Variants in ERICH6 observed in about 807,000 individuals in gnomAD.
ERICH6 encodes the protein glutamate-rich protein 6.
In ERICH6, 71 loss-of-function variants were observed where a neutral mutation model predicts 71.0. That is an observed-to-expected ratio of 1.00 (90% CI 0.83 to 1.22). The LOEUF (loss-of-function observed/expected upper bound fraction) is 1.22, where lower values mean the gene tolerates loss of function less well. Ranked by LOEUF, ERICH6 falls within the 50% of genes most tolerant of loss-of-function variation. The pLI, the probability that ERICH6 is intolerant of heterozygous loss-of-function variation, is 0.00. For synonymous variants in ERICH6, 262 were observed against 278.4 expected (o/e 0.94, Z 0.59); for missense variants, 808 against 797.2 (o/e 1.01, Z -0.16).
In ERICH6 at chr3:150,674,284, AT is replaced by A. The variant is rs138154739; in HGVS notation, c.1258-244del. Among the ~76,000 whole-genome samples the A allele has an allele frequency of 7.8e-3, 1,126 of 144,352 alleles. 1 individual carries two copies. Among genetic ancestry groups the A allele is most frequent in the African/African-American group, 0.015 (590 of 39,644 alleles). 94.7% of individuals were successfully genotyped at this position (144,352 alleles called of 152,430 possible). On this transcript the variant is annotated intron_variant, in intron 10 of 13. Transcript: ENST00000295910. ...AATCTGACATTACATATCTATTTTA[AT>A]TTTTTTTTTTTTTTACTTTATACAC...
At chr3:150,681,030 A>C in intron 7 of ERICH6, 100 bp from the exon 8 acceptor site, 1 of 1,257,816 alleles carries the variant, frequency 8.0e-7, no homozygotes, top group Non-Finnish European at 1.1e-6. Flanking sequence ...ATCCATCATA[A>C]GTTTTTATTC....
chr3:150,679,938 G>A (rs1469743635), intron 9 of ERICH6, among the ~76,000 whole-genome samples: 6 of 152,220 alleles, frequency 3.9e-5, no homozygotes, highest in African/African-American at 9.6e-5. Context: ...GATCACAGGC[G>A]TGAGCCACCG....
chr3:150,683,429 C>T (rs1297053711), intron 6 of ERICH6, among the ~76,000 whole-genome samples: 1 of 152,130 alleles, frequency 6.6e-6, no homozygotes, highest in African/African-American at 2.4e-5. Flanking sequence ...GTTGTCCTTT[C>T]ACCCTCAGCT....
intron 6 of ERICH6, among the ~76,000 whole-genome samples, chr3:150,685,305 C>T (rs1388582563): frequency 6.6e-6 from 1 of 152,168 alleles, no homozygotes; most frequent in Admixed American, 6.5e-5. Context: ...TCCAACTGGA[C>T]TTGGTGTCCT....
chr3:150,702,565 C>A (rs1328838484), intron 1 of ERICH6, among the ~76,000 whole-genome samples: 5 of 152,138 alleles, frequency 3.3e-5, no homozygotes, highest in Non-Finnish European at 5.9e-5. Context: ...CGTGAGCCAC[C>A]GCGCCCGGCC....
rs188058286 is a variant in ERICH6 at position 150,686,797 on chromosome 3, C to T, written c.554-443G>A. On this transcript the variant is annotated intron_variant, in intron 3 of 13. Transcript: ENST00000295910. ...GAAGTCAATAACTTTTACCTTTTCA[C>T]TTAAAGGATACACTTTATGGATGCT... 3.5e-3 allele frequency among the ~76,000 whole-genome samples: 536 copies of T among 152,282 alleles called. 5 individuals are homozygous for T. Among genetic ancestry groups the T allele is most frequent in the African/African-American group, 0.012 (519 of 41,546 alleles).
rs760925534 is a variant in ERICH6, at chr3:150,686,294, T to C, written c.610+4A>G. 1 of 1,614,100 alleles carries C rather than the reference T, an allele frequency of 6.2e-7. No individual in the cohort carries two copies. The highest frequency in any genetic ancestry group is 2.2e-5 in the East Asian group (1 of 44,892). ...AAAGGAGATGATGCCAAACATGTATTTACCTCTTAACTTAGATGCCAGACA... is the reference window on the plus strand; with the variant it reads ...AAAGGAGATGATGCCAAACATGTATCTACCTCTTAACTTAGATGCCAGACA... On this transcript the variant is annotated splice_donor_region_variant and intron_variant, in intron 4 of 13. Coordinates refer to ENST00000295910, the MANE Select transcript of ERICH6 (RefSeq NM_152394.5).
chr3:150,678,596 A>C (rs1711756173), intron 9 of ERICH6, 42 bp from the exon 10 acceptor site: 3 of 1,474,730 alleles, frequency 2.0e-6, no homozygotes, highest in South Asian at 1.4e-5. Flanking sequence ...ATATGTTTTA[A>C]ATTTTCTAAA....
Position 150,660,113 on chromosome 3 carries a change from C to T in ERICH6, c.1771G>A (p.Gly591Arg). The change falls in exon 14 of 14, where the codon GGA becomes AGA. Residue 591 changes from glycine to arginine, a missense_variant. By Grantham distance (125) the Gly-to-Arg change is moderately radical (BLOSUM62 -2). Around this residue, in one of 3 missense-constraint regions of ERICH6, gnomAD observed 736 missense variants for 712.2 expected, o/e 1.03. Coordinates refer to ENST00000295910, the MANE Select transcript of ERICH6 (RefSeq NM_152394.5). ...CTGGCCAGCAGAAGAAGGTCATCTC[C>T]ACTTACGTATCGGAGGATTGGAATC... ...EEIPILRYVS[G>R]DDLLLLASLI... 1 of 1,614,022 alleles carries T rather than the reference C, an allele frequency of 6.2e-7. No homozygotes were observed.
chr3:150,685,670 A>G (rs1180002308), intron 6 of ERICH6, 72 bp downstream of exon 6: 10 of 1,211,460 alleles, frequency 8.3e-6, no homozygotes, highest in Middle Eastern at 2.0e-4. Flanking sequence ...TTCACTGTCT[A>G]TTGTGCAAAT....
At chr3:150,679,507 G>T (rs959497168) in intron 9 of ERICH6, among the ~76,000 whole-genome samples, 2 of 152,088 alleles carry the variant, frequency 1.3e-5, no homozygotes, top group African/African-American at 4.8e-5. Flanking sequence ...GAAAGATTAA[G>T]TCATTTACCC....
chr3:150,671,817 A>G (rs1711504036), intron 11 of ERICH6, among the ~76,000 whole-genome samples: 1 of 152,170 alleles, frequency 6.6e-6, no homozygotes, highest in African/African-American at 2.4e-5. Flanking sequence ...TGTTGTAGAC[A>G]CAGGCTTTCA....
intron 3 of ERICH6, among the ~76,000 whole-genome samples, chr3:150,695,459 A>G (rs945744492): frequency 7.2e-5 from 11 of 152,106 alleles, no homozygotes; most frequent in South Asian, 2.1e-4. Context: ...CAGGAGACTG[A>G]GACCATCCTG....
chr3:150,700,732 C>G (rs1051112865), intron 2 of ERICH6, among the ~76,000 whole-genome samples: 1 of 152,024 alleles, frequency 6.6e-6, no homozygotes, highest in African/African-American at 2.4e-5. Flanking sequence ...TACAGGCACA[C>G]GCCACCATGC....
chr3:150,700,732 C>T (rs1051112865), intron 2 of ERICH6, among the ~76,000 whole-genome samples: 6 of 152,022 alleles, frequency 3.9e-5, no homozygotes, highest in Non-Finnish European at 7.4e-5. Flanking sequence ...TACAGGCACA[C>T]GCCACCATGC....
At chr3:150,684,502 A>T (rs940593470) in intron 6 of ERICH6, among the ~76,000 whole-genome samples, 41 of 152,120 alleles carry the variant, frequency 2.7e-4, no homozygotes, top group Admixed American at 7.9e-4. Flanking sequence ...GTTAATGAAT[A>T]AACCTCCACC....
Position 150,669,284 on chromosome 3 carries a change from C to T in ERICH6, c.1499+12G>A. The T allele has an allele frequency of 6.3e-7, 1 of 1,584,740 alleles. No homozygotes were observed. Among genetic ancestry groups the T allele is most frequent in the Non-Finnish European group, 8.6e-7 (1 of 1,168,496 alleles). ...GCCACAAAATGGCAGCAGCAGGAACCTAGAAGCTTACCAGACATTTCCATT... is the reference window on the plus strand; with the variant it reads ...GCCACAAAATGGCAGCAGCAGGAACTTAGAAGCTTACCAGACATTTCCATT... On this transcript the variant is annotated intron_variant, in intron 12 of 13. Transcript: ENST00000295910.
In ERICH6 at chr3:150,703,634, C is replaced by A. The variant is rs767004871; in HGVS notation, c.265G>T (p.Asp89Tyr). The A allele has an allele frequency of 2.6e-5, 42 of 1,613,948 alleles. 2 individuals are homozygous for A. The Middle Eastern group carries it at 4.9e-3, about 190-fold the overall frequency. ...CGGGGGCGCACGTCTGGGAAGTCGT[C>A]GTCGTAGTCACCGATGTCCGTGACC... ...WKVTDIGDYD[D>Y]DFPDVRPRLA... The change falls in exon 1 of 14, where the codon GAC (aspartate) becomes TAC (tyrosine). Residue 89 changes from aspartate to tyrosine, a missense_variant. Asp to Tyr is a radical substitution (Grantham distance 160). This residue lies in a region of ERICH6 where 736 missense variants were observed against 712.2 expected (regional missense o/e 1.03). Coordinates refer to ENST00000295910, the MANE Select transcript of ERICH6 (RefSeq NM_152394.5).
chr3:150,671,444 A>T (rs1711501220), intron 11 of ERICH6, among the ~76,000 whole-genome samples: 1 of 152,220 alleles, frequency 6.6e-6, no homozygotes, highest in Non-Finnish European at 1.5e-5. Context: ...CCAAGTGATC[A>T]ATAACTTGGT....
Sources: allele counts gnomAD v4.1 joint callset (sites outside exome capture counted in the v4.1 genomes callset), GRCh38; gene constraint gnomAD v4.1.1; regional missense constraint gnomAD v4.1.1; transcripts MANE v1.5; gene names NCBI Gene and HGNC (gene_info 2026-07-23, HGNC 2026-07-21).